The following PC variants were observed in gnomAD, a reference collection of about 807,000 sequenced individuals.
PC encodes the protein pyruvate carboxylase.
Under a neutral mutation model 107.8 loss-of-function variants are expected in PC, and 46 were observed. The observed-to-expected ratio is 0.43, with a 90% CI of 0.34 to 0.55. The LOEUF (loss-of-function observed/expected upper bound fraction) is 0.55, where lower values mean the gene tolerates loss of function less well. Ranked by LOEUF, PC falls within the 20% of genes least tolerant of loss-of-function variation. The pLI is 0.04. For missense variants in PC, 1,241 were observed against 1,643.1 expected, an observed-to-expected ratio of 0.76 and a Z score of 4.23; for synonymous variants, 662 against 684.7, an observed-to-expected ratio of 0.97 and a Z score of 0.52.
chr11:66,957,595 G>A (rs528060065), intron 1 of PC: 2 of 152,530 alleles, frequency 1.3e-5, no homozygotes, highest in South Asian at 2.1e-4. Context: ...CAGCCTGGGT[G>A]GGTGACAGCA....
At chr11:66,957,920 T>C (rs1049476891) in intron 1 of PC, 12 of 152,358 alleles carry the variant, frequency 7.9e-5, no homozygotes, top group South Asian at 2.1e-4. Context: ...TGGGGACAAC[T>C]TGGGCTCCCG....
intron 3 of PC, among the ~76,000 whole-genome samples, chr11:66,892,594 C>T (rs545719435): frequency 1.3e-5 from 2 of 152,292 alleles, no homozygotes; most frequent in Admixed American, 1.3e-4. Context: ...CGCCTGTAGT[C>T]CCAGCACTTT....
chr11:66,933,059 G>C (rs762333696), intron 3 of PC, among the ~76,000 whole-genome samples: 1 of 152,124 alleles, frequency 6.6e-6, no homozygotes, highest in Non-Finnish European at 1.5e-5. Flanking sequence ...CAAATACTTT[G>C]TTTTGATCAG....
At chr11:66,849,887 C>T (rs1796766046) in intron 20 of PC, 28 bp from the exon 21 acceptor site, 3 of 1,613,642 alleles carry the variant, frequency 1.9e-6, no homozygotes, top group South Asian at 1.1e-5. Flanking sequence ...GGATCAGTCC[C>T]AAGTCCTGCA....
intron 10 of PC, among the ~76,000 whole-genome samples, chr11:66,868,178 T>G (rs561540940): frequency 1.5e-4 from 23 of 152,358 alleles, no homozygotes; most frequent in Admixed American, 2.0e-4. Flanking sequence ...CCCTCAGAAC[T>G]CTTCAGAGCT....
At chr11:66,878,195 G>T (rs1194089600) in intron 3 of PC, among the ~76,000 whole-genome samples, 3 of 152,096 alleles carry the variant, frequency 2.0e-5, no homozygotes, top group African/African-American at 7.2e-5. Context: ...GCTGGCAGCA[G>T]CCCACTGGCA....
In PC at chr11:66,868,843, C is replaced by T; in HGVS notation, c.1022+3G>A. 1 of 1,609,848 alleles carries T rather than the reference C, an allele frequency of 6.2e-7. No individual in the cohort carries two copies. Among genetic ancestry groups the T allele is most frequent in the Non-Finnish European group, 8.5e-7 (1 of 1,176,538 alleles). On this transcript the variant is annotated splice_donor_region_variant and intron_variant, in intron 10 of 22. Transcript: ENST00000393960. Reference sequence around the variant, plus strand: ...CCCGCCCCGCCTGCCCGCCCACACTCACTCGGTGATCTCCTCTGTGACCGT... The same window carrying T: ...CCCGCCCCGCCTGCCCGCCCACACTTACTCGGTGATCTCCTCTGTGACCGT...
chr11:66,849,099 C>G lies in PC; in HGVS notation c.3337G>C (p.Gly1113Arg). ...KALKDVKGQI[G>R]APMPGKVIDI... Reference sequence around the variant, plus strand: ...ATCACCTTCCCAGGCATGGGCGCCCCGATCTGGCCCTTCACGTCCTTTAGG... The same window carrying G: ...ATCACCTTCCCAGGCATGGGCGCCCGGATCTGGCCCTTCACGTCCTTTAGG... Residue 1113 changes from glycine (G) to arginine (R), a missense_variant, in exon 23 of 23, where the codon GGG becomes CGG. Coordinates refer to ENST00000393960, the MANE Select transcript of PC (RefSeq NM_001040716.2). 6.2e-7 allele frequency: 1 copy of G among 1,614,106 alleles called. No individual in the cohort carries two copies. The highest frequency in any genetic ancestry group is 8.5e-7 in the Non-Finnish European group (1 of 1,180,026).
intron 3 of PC, among the ~76,000 whole-genome samples, chr11:66,893,660 G>A (rs1290814208): frequency 6.6e-6 from 1 of 152,056 alleles, no homozygotes; most frequent in Non-Finnish European, 1.5e-5. Flanking sequence ...CTTTACCCCT[G>A]CTCTCAACAC....
intron 1 of PC, among the ~76,000 whole-genome samples, chr11:66,955,350 G>C (rs1038699124): frequency 1.3e-5 from 2 of 152,170 alleles, no homozygotes; most frequent in African/African-American, 4.8e-5. Context: ...TGGGGCACTG[G>C]AAGTGAGACC....
At chr11:66,935,870 C>T (rs1948987905) in intron 3 of PC, among the ~76,000 whole-genome samples, 1 of 152,176 alleles carries the variant, frequency 6.6e-6, no homozygotes, top group East Asian at 1.9e-4. Context: ...AGGAGGATCG[C>T]TTGAGCTCAG....
intron 3 of PC, among the ~76,000 whole-genome samples, chr11:66,908,816 C>T (rs1290361707): frequency 2.0e-5 from 3 of 152,156 alleles, no homozygotes; most frequent in East Asian, 3.9e-4. Context: ...CCGATGTCCC[C>T]GAGAACACGC....
chr11:66,936,926 G>A (rs1447707417), intron 3 of PC, among the ~76,000 whole-genome samples: 2 of 151,876 alleles, frequency 1.3e-5, no homozygotes, highest in African/African-American at 2.4e-5. Context: ...TGCAACCTCC[G>A]CCTCCCAAGT....
rs1948042303 is a variant in PC, at chr11:66,903,716, C to G, written c.1-31557G>C. Among the ~76,000 whole-genome samples the G allele has an allele frequency of 4.0e-5, 5 of 126,356 alleles. No homozygotes were observed. In the Admixed American group the frequency reaches 4.3e-4, roughly 11 times the overall value. 82.9% of individuals were successfully genotyped at this position (126,356 alleles called of 152,430 possible). A position where few individuals can be genotyped will look rare whatever the true frequency, so the allele number is the denominator to read the frequency against. The stretch of plus-strand genomic sequence containing the variant: ...TGAGCCAAGATGGTGCCATTGCACT[C>G]CAGCCTGGGCAACAGAGTGAGAGAC... On this transcript the variant is annotated intron_variant, in intron 3 of 22. Transcript: ENST00000393960.
rs373079885 is a variant in PC, at chr11:66,850,448, G to A, written c.2490C>T (p.Arg830=). The change falls in exon 19 of 23, where the codon CGC becomes CGT. Residue 830 remains arginine (R), a synonymous_variant. Coordinates refer to ENST00000393960, the MANE Select transcript of PC (RefSeq NM_001040716.2). ...TPLDTEVPME[R]VFDYSEYWEG... Reference sequence around the variant, plus strand: ...CCCAGTACTCACTGTAGTCAAACACGCGCTCCATGGGCACCTCTGCAGGGA... The same window carrying A: ...CCCAGTACTCACTGTAGTCAAACACACGCTCCATGGGCACCTCTGCAGGGA... 24 of 1,613,774 alleles carry A rather than the reference G, an allele frequency of 1.5e-5. No homozygotes were observed. The highest frequency in any genetic ancestry group is 1.6e-4 in the Middle Eastern group (1 of 6,084).
At chr11:66,864,386 C>T (rs954468140) in intron 11 of PC, among the ~76,000 whole-genome samples, 4 of 152,260 alleles carry the variant, frequency 2.6e-5, no homozygotes, top group Non-Finnish European at 4.4e-5. Flanking sequence ...AAGGGCCTCG[C>T]CGTGGGCTCC....
intron 12 of PC, chr11:66,859,858 G>T (rs1166933789): frequency 1.3e-6 from 2 of 1,563,450 alleles, no homozygotes; most frequent in Non-Finnish European, 8.7e-7. Context: ...GCCGTGGGGG[G>T]TGTGCTGGTG....
At chr11:66,877,036 G>A (rs1409148946) in intron 3 of PC, among the ~76,000 whole-genome samples, 5 of 152,198 alleles carry the variant, frequency 3.3e-5, no homozygotes, top group South Asian at 2.1e-4. Flanking sequence ...GCACTGCTGA[G>A]CATCACGGCA....
chr11:66,914,866 G>T (rs1460054430), intron 3 of PC, among the ~76,000 whole-genome samples: 1 of 151,678 alleles, frequency 6.6e-6, no homozygotes, highest in Admixed American at 6.6e-5. Context: ...AAGACTCCAC[G>T]TCTAGAAAAA....
Sources: allele counts gnomAD v4.1 joint callset (sites outside exome capture counted in the v4.1 genomes callset), GRCh38; gene constraint gnomAD v4.1.1; transcripts MANE v1.5; gene names NCBI Gene and HGNC (gene_info 2026-07-23, HGNC 2026-07-21).